Variants in PPP2R3A observed in about 807,000 individuals in gnomAD.
PPP2R3A encodes the protein serine/threonine-protein phosphatase 2A regulatory subunit B'' subunit alpha.
PPP2R3A carries 80 observed loss-of-function variants against 106.9 expected under a neutral mutation model. The ratio of observed to expected loss-of-function variants is 0.75; its 90% CI spans 0.62 to 0.90. The LOEUF is 0.90. Among genes scored for constraint, PPP2R3A ranks in the 40% least tolerant of loss-of-function variants. PPP2R3A has a pLI of 0.00. For synonymous variants in PPP2R3A, 483 were observed against 468.3 expected (o/e 1.03, Z -0.41); for missense variants, 1,386 against 1,350.4 (o/e 1.03, Z -0.41).
rs1397097863 is a variant in PPP2R3A at position 136,136,058 on chromosome 3, A to T, written c.3330-8985A>T. On this transcript the variant is annotated intron_variant, in intron 13 of 13. Coordinates refer to ENST00000264977, the MANE Select transcript of PPP2R3A (RefSeq NM_002718.5). The stretch of plus-strand genomic sequence containing the variant: ...AAGACTCCGTCTCAAAAAAAAAAAA[A>T]AAAAAAAAAAAAAAATTATATATAT... 4.2e-5 allele frequency among the ~76,000 whole-genome samples: 2 copies of T among 47,232 alleles called. 1 individual carries two copies. Among genetic ancestry groups the T allele is most frequent in the African/African-American group, 9.9e-5 (2 of 20,102 alleles). The allele number at this position is 47,232 out of a possible 152,430, so 31.0% of individuals were successfully genotyped here. A position where few individuals can be genotyped will look rare whatever the true frequency, so the allele number is the denominator to read the frequency against.
At chr3:136,114,860 A>G (rs1358347720) in intron 13 of PPP2R3A, among the ~76,000 whole-genome samples, 1 of 152,146 alleles carries the variant, frequency 6.6e-6, no homozygotes, top group East Asian at 1.9e-4. Flanking sequence ...CGCAGCTTCA[A>G]AAGACTTAAA....
intron 5 of PPP2R3A, chr3:136,055,199 G>C (rs1477932289): frequency 1.3e-6 from 1 of 743,836 alleles, no homozygotes; most frequent in Non-Finnish European, 2.3e-6. Flanking sequence ...AGAGATGACT[G>C]TGCAAGATAA....
chr3:135,975,223 C>T (rs926696380), intron 1 of PPP2R3A, among the ~76,000 whole-genome samples: 2 of 152,268 alleles, frequency 1.3e-5, no homozygotes, highest in Admixed American at 6.5e-5. Flanking sequence ...ATTGAGGGTT[C>T]TGTGTAATGA....
intron 6 of PPP2R3A, among the ~76,000 whole-genome samples, chr3:136,073,641 G>A (rs779912106): frequency 1.8e-4 from 28 of 152,172 alleles, no homozygotes; most frequent in Non-Finnish European, 3.4e-4. Context: ...AACATTTCAC[G>A]TGAATATGTA....
chr3:135,988,892 C>T (rs528245002), intron 1 of PPP2R3A, among the ~76,000 whole-genome samples: 32 of 152,200 alleles, frequency 2.1e-4, no homozygotes, highest in African/African-American at 7.7e-4. Context: ...GACATTGAAT[C>T]ATTTTGGGAG....
intron 3 of PPP2R3A, among the ~76,000 whole-genome samples, chr3:136,036,007 G>C (rs1017103983): frequency 1.3e-5 from 2 of 151,746 alleles, no homozygotes; most frequent in Admixed American, 6.6e-5. Context: ...TGCTTGTTCA[G>C]TTCCATTGCT....
intron 1 of PPP2R3A, among the ~76,000 whole-genome samples, chr3:135,991,700 G>C (rs1217453775): frequency 6.6e-6 from 1 of 152,124 alleles, no homozygotes; most frequent in Non-Finnish European, 1.5e-5. Flanking sequence ...TTTTCATCCT[G>C]TTTTTCCTGA....
At chr3:136,057,662 T>A (rs1259548940) in intron 5 of PPP2R3A, among the ~76,000 whole-genome samples, 2 of 152,072 alleles carry the variant, frequency 1.3e-5, no homozygotes, top group Non-Finnish European at 2.9e-5. Flanking sequence ...AGACATTGCA[T>A]AAAAGGAGAC....
intron 10 of PPP2R3A, among the ~76,000 whole-genome samples, 161 bp from the exon 11 acceptor site, chr3:136,101,846 G>C (rs1479905889): frequency 6.6e-6 from 1 of 152,118 alleles, no homozygotes; most frequent in East Asian, 1.9e-4. Context: ...AAAAATAAAG[G>C]GAAGAAGGGG....
intron 4 of PPP2R3A, among the ~76,000 whole-genome samples, chr3:136,044,570 C>CAAA (rs1247139572): frequency 8.3e-4 from 63 of 76,010 alleles, no homozygotes; most frequent in African/African-American, 2.6e-3. Flanking sequence ...GACCCTGTCT[C>CAAA]AAAAAAAAAA....
chr3:136,000,656 G>A (rs1933587917), intron 1 of PPP2R3A, among the ~76,000 whole-genome samples: 1 of 152,140 alleles, frequency 6.6e-6, no homozygotes, highest in South Asian at 2.1e-4. Flanking sequence ...TAGAAAATAT[G>A]ATTATAGATG....
At chr3:136,030,681 T>A (rs1934838796) in intron 3 of PPP2R3A, among the ~76,000 whole-genome samples, 1 of 151,684 alleles carries the variant, frequency 6.6e-6, no homozygotes, top group Non-Finnish European at 1.5e-5. Flanking sequence ...TTACTTCACA[T>A]GGAATAGTCT....
At chr3:136,040,799 T>G in intron 3 of PPP2R3A, 60 bp from the exon 4 acceptor site, 2 of 1,407,928 alleles carry the variant, frequency 1.4e-6, no homozygotes, top group Non-Finnish European at 1.9e-6. Context: ...GATCTTTTCT[T>G]TGGCCGTGTC....
chr3:136,023,095 G>A lies in PPP2R3A; in HGVS notation c.1996-3737G>A, dbSNP rs753998062. On this transcript the variant is annotated intron_variant, in intron 2 of 13. Transcript: ENST00000264977. ...ATGATGATCAAGGAAACATCTCTAC[G>A]AAGGGACCCGGATTTAAGGGGAGAG... The A allele has an allele frequency of 1.4e-5, 23 of 1,613,246 alleles. No individual in the cohort carries two copies. The East Asian group carries it at 2.5e-4, about 17-fold the overall frequency.
intron 1 of PPP2R3A, among the ~76,000 whole-genome samples, chr3:135,969,947 C>A (rs1937197316): frequency 6.6e-6 from 1 of 152,196 alleles, no homozygotes; most frequent in African/African-American, 2.4e-5. Flanking sequence ...GCCCACTTTG[C>A]TCATTTATTT....
Position 136,002,377 on chromosome 3 carries a change from A to G in PPP2R3A, c.879A>G (p.Pro293=), listed in dbSNP as rs1422022179. ...TRLASYLKKL[P]FEFMQSGNNE... ...TAGCATCCTATCTGAAAAAGTTACC[A>G]TTTGAATTCATGCAGTCTGGGAATA... Residue 293 remains proline (P), a synonymous_variant, in exon 2 of 14, where the codon CCA becomes CCG. Transcript: ENST00000264977. 1.1e-5 allele frequency: 17 copies of G among 1,613,828 alleles called. No homozygotes were observed. Among genetic ancestry groups the G allele is most frequent in the Non-Finnish European group, 1.2e-5 (14 of 1,179,930 alleles).
chr3:135,985,313 C>G (rs1937593201), intron 1 of PPP2R3A, among the ~76,000 whole-genome samples: 1 of 151,704 alleles, frequency 6.6e-6, no homozygotes, highest in Non-Finnish European at 1.5e-5. Context: ...GTCTCTCTCT[C>G]TCTCCCCCTT....
rs768815496 is a variant in PPP2R3A at position 136,147,645 on chromosome 3, T to C, written c.*2479T>C. 1.3e-5 allele frequency: 2 copies of C among 152,602 alleles called. No individual in the cohort carries two copies. Among genetic ancestry groups the C allele is most frequent in the Non-Finnish European group, 2.9e-5 (2 of 68,046 alleles). The allele number at this position is 152,602 out of a possible 1,614,324, so 9.5% of individuals were successfully genotyped here. On this transcript the variant is annotated 3_prime_UTR_variant, in exon 14 of 14. Transcript: ENST00000264977. ...GCCCCTTGATAAAAGCTGAGGGTTA[T>C]CATGACCTTAATGCTAATTCAATGA...
chr3:135,966,169 C>T (rs1256345484), intron 1 of PPP2R3A, among the ~76,000 whole-genome samples: 42 of 152,262 alleles, frequency 2.8e-4, no homozygotes, highest in Admixed American at 2.7e-3. Flanking sequence ...CTGGGCCCTC[C>T]CACTTTTCAG....
Sources: gnomAD v4.1 joint callset for allele counts (sites outside exome capture counted in the v4.1 genomes callset) on GRCh38, gnomAD v4.1.1 for gene constraint, MANE v1.5 for transcripts, NCBI Gene and HGNC (gene_info 2026-07-23, HGNC 2026-07-21) for gene names.